The following SLC7A14 variants were observed in gnomAD, a reference collection of about 807,000 sequenced individuals.
SLC7A14 encodes solute carrier family 7 member 14.
Under a neutral mutation model 60.2 loss-of-function variants are expected in SLC7A14, and 37 were observed. That is an observed-to-expected ratio of 0.61 (90% CI 0.47 to 0.81). The LOEUF (loss-of-function observed/expected upper bound fraction) is 0.81, where lower values mean the gene tolerates loss of function less well. Ranked by LOEUF, SLC7A14 falls within the 30% of genes least tolerant of loss-of-function variation. SLC7A14 has a pLI of 0.00. For synonymous variants in SLC7A14, 399 were observed against 395.8 expected (o/e 1.01, Z -0.10); for missense variants, 886 against 982.7 (o/e 0.90, Z 1.32).
At chr3:170,479,726 T>A (rs1711746733) in intron 7 of SLC7A14, among the ~76,000 whole-genome samples, 1 of 152,200 alleles carries the variant, frequency 6.6e-6, no homozygotes, top group African/African-American at 2.4e-5. Context: ...TGAAAAACTT[T>A]TGAATATTTT....
chr3:170,560,381 A>ATACAT (rs1714613222), intron 1 of SLC7A14, among the ~76,000 whole-genome samples: 1 of 152,310 alleles, frequency 6.6e-6, no homozygotes, highest in Non-Finnish European at 1.5e-5. Context: ...TGTATTTTAA[A>ATACAT]ATTCCTACAG....
At chr3:170,573,341 G>A (rs1715001907) in intron 1 of SLC7A14, among the ~76,000 whole-genome samples, 1 of 152,186 alleles carries the variant, frequency 6.6e-6, no homozygotes, top group Non-Finnish European at 1.5e-5. Flanking sequence ...AGATTCAAGT[G>A]CCATGCCACC....
intron 1 of SLC7A14, among the ~76,000 whole-genome samples, chr3:170,577,888 A>G (rs1715140407): frequency 6.6e-6 from 1 of 152,226 alleles, no homozygotes; most frequent in South Asian, 2.1e-4. Flanking sequence ...TATTGTATTT[A>G]TGACTAATTT....
At chr3:170,472,421 G>A (rs1049251841) in intron 7 of SLC7A14, among the ~76,000 whole-genome samples, 14 of 150,896 alleles carry the variant, frequency 9.3e-5, no homozygotes, top group African/African-American at 2.9e-4. Context: ...ACTGGGGCAC[G>A]TGGGCTGCAT....
At chr3:170,533,106 C>T (rs1188369914) in intron 1 of SLC7A14, among the ~76,000 whole-genome samples, 3 of 152,196 alleles carry the variant, frequency 2.0e-5, no homozygotes, top group Non-Finnish European at 4.4e-5. Context: ...ATGCCTGTGG[C>T]TTACTCTGGC....
At chr3:170,562,293 A>G (rs958395111) in intron 1 of SLC7A14, among the ~76,000 whole-genome samples, 5 of 152,214 alleles carry the variant, frequency 3.3e-5, no homozygotes, top group African/African-American at 1.2e-4. Context: ...TCTACACACA[A>G]TGGAATACTA....
intron 6 of SLC7A14, among the ~76,000 whole-genome samples, chr3:170,482,073 T>C (rs985335393): frequency 2.0e-5 from 3 of 152,122 alleles, no homozygotes; most frequent in Admixed American, 6.5e-5. Context: ...GTTGGCAAAA[T>C]AGCACAGTAA....
chr3:170,517,322 C>A (rs576686559), intron 2 of SLC7A14, among the ~76,000 whole-genome samples: 1 of 152,182 alleles, frequency 6.6e-6, no homozygotes, highest in Non-Finnish European at 1.5e-5. Flanking sequence ...TGAGGACTGG[C>A]ATGCATTTGT....
intron 2 of SLC7A14, chr3:170,502,991 C>A (rs760456783): frequency 1.3e-5 from 2 of 152,178 alleles, no homozygotes; most frequent in Non-Finnish European, 2.9e-5. Flanking sequence ...TTATATTGAA[C>A]TTTGTAGTAT....
chr3:170,567,001 TTTTATTTTA>T (rs1714810088), intron 1 of SLC7A14, among the ~76,000 whole-genome samples: 1 of 151,442 alleles, frequency 6.6e-6, no homozygotes, highest in South Asian at 2.1e-4. Flanking sequence ...TTTTTTATTT[TTTTATTTTA>T]TTTTATTATT....
At chr3:170,584,915 A>C (rs1715339807) in intron 1 of SLC7A14, among the ~76,000 whole-genome samples, 1 of 152,098 alleles carries the variant, frequency 6.6e-6, no homozygotes. Flanking sequence ...TCAAAATCTC[A>C]AGGAAACGAG....
Position 170,467,161 on chromosome 3 carries a change from G to A in SLC7A14, c.2210C>T (p.Ala737Val), listed in dbSNP as rs73040363. 8.6e-3 allele frequency: 13,927 copies of A among 1,614,142 alleles called. 1,028 individuals are homozygous for A. The African/African-American group carries it at 0.17, about 19-fold the overall frequency. ...KGFYYQQMSD[A>V]KANGRTSSKA... The stretch of plus-strand genomic sequence containing the variant: ...GCTACTTGTCCGGCCGTTTGCCTTC[G>A]CATCTGACATCTGTTGGTAATAGAA... The change falls in exon 8 of 8, where the codon GCG becomes GTG. Residue 737 changes from alanine to valine, a missense_variant. Physicochemically the swap from Ala to Val is moderately conservative, Grantham distance 64. Coordinates refer to ENST00000231706, the MANE Select transcript of SLC7A14 (RefSeq NM_020949.3).
At chr3:170,474,197 C>T (rs1228047060) in intron 7 of SLC7A14, among the ~76,000 whole-genome samples, 1 of 152,220 alleles carries the variant, frequency 6.6e-6, no homozygotes, top group Non-Finnish European at 1.5e-5. Context: ...GGGCGTGAAT[C>T]TCACAAACAT....
chr3:170,496,489 G>A, intron 4 of SLC7A14: 1 of 1,399,506 alleles, frequency 7.1e-7, no homozygotes, highest in Non-Finnish European at 1.0e-6. Flanking sequence ...AGCGCCAAGC[G>A]GTCGGAGCTG....
At position 170,583,176 on chromosome 3, in the gene SLC7A14, C is replaced by A. The variant is rs574678024; in HGVS notation, c.-153+2735G>T. On this transcript the variant is annotated intron_variant, in intron 1 of 7. Transcript: ENST00000231706. The stretch of plus-strand genomic sequence containing the variant: ...GAAAATTATTTTTTGGGGAATAGGT[C>A]ATAGAAGAGGAGATATAGACAAGAT... 2.6e-5 allele frequency among the ~76,000 whole-genome samples: 4 copies of A among 152,138 alleles called. No individual in the cohort carries two copies. In the East Asian group the frequency reaches 7.7e-4, roughly 29 times the overall value.
intron 5 of SLC7A14, among the ~76,000 whole-genome samples, chr3:170,484,617 G>C (rs1711958440): frequency 6.6e-6 from 1 of 152,156 alleles, no homozygotes; most frequent in East Asian, 1.9e-4. Flanking sequence ...CCATTTCTTT[G>C]CCTATTCCTC....
intron 4 of SLC7A14, chr3:170,496,481 C>T (rs13092604): frequency 0.067 from 91,236 of 1,364,666 alleles, 4,117 homozygotes; most frequent in African/African-American, 0.2. Context: ...AGGATGCCAG[C>T]GCCAAGCGGT....
intron 1 of SLC7A14, among the ~76,000 whole-genome samples, chr3:170,583,702 T>C (rs991668896): frequency 6.6e-5 from 10 of 152,256 alleles, no homozygotes; most frequent in Admixed American, 1.3e-4. Flanking sequence ...ACTCTAGTTC[T>C]CCAGACTTCC....
intron 1 of SLC7A14, among the ~76,000 whole-genome samples, chr3:170,568,717 T>G (rs201797517): frequency 0.34 from 51,557 of 151,786 alleles, 9,075 homozygotes; most frequent in East Asian, 0.47. Flanking sequence ...CCTTGAAGAG[T>G]TCCTTCACGT....
Sources: allele counts gnomAD v4.1 joint callset (sites outside exome capture counted in the v4.1 genomes callset), GRCh38; gene constraint gnomAD v4.1.1; transcripts MANE v1.5; gene names NCBI Gene and HGNC (gene_info 2026-07-23, HGNC 2026-07-21).